ACAP2: variants seen among roughly 807,000 people sequenced by gnomAD.
ACAP2 encodes ArfGAP with coiled-coil, ankyrin repeat and PH domains 2.
Under a neutral mutation model 115.8 loss-of-function variants are expected in ACAP2, and 39 were observed. The observed-to-expected ratio is 0.34, with a 90% confidence interval of 0.26 to 0.44. The LOEUF is 0.44. Among genes scored for constraint, ACAP2 ranks in the 20% least tolerant of loss-of-function variants. ACAP2 has a pLI of 1.00. For synonymous variants in ACAP2, 289 were observed against 315.8 expected, an observed-to-expected ratio of 0.92 and a Z score of 0.90; for missense variants, 662 against 927.6, an observed-to-expected ratio of 0.71 and a Z score of 3.72.
intron 1 of ACAP2, among the ~76,000 whole-genome samples, chr3:195,400,217 T>C (rs1712165836): frequency 6.6e-6 from 1 of 151,582 alleles, no homozygotes; most frequent in African/African-American, 2.4e-5. Context: ...TGTGTATATA[T>C]ATATGTGTGT....
intron 2 of ACAP2, among the ~76,000 whole-genome samples, chr3:195,383,857 T>A (rs951934218): frequency 6.6e-6 from 1 of 152,092 alleles, no homozygotes; most frequent in Non-Finnish European, 1.5e-5. Context: ...AAAAAAGAGA[T>A]ACATGTGTCT....
chr3:195,281,177 G>A (rs536376771), intron 22 of ACAP2, among the ~76,000 whole-genome samples: 30 of 152,270 alleles, frequency 2.0e-4, no homozygotes, highest in East Asian at 9.7e-4. Context: ...AGGCCGAGAC[G>A]GGCGGATCAC....
chr3:195,313,841 A>C (rs544838474), intron 10 of ACAP2, among the ~76,000 whole-genome samples: 3 of 152,316 alleles, frequency 2.0e-5, no homozygotes, highest in African/African-American at 7.2e-5. Context: ...AGCAAAAGAG[A>C]ATATAAGTTC....
rs767973183 is a variant in ACAP2 at position 195,314,199 on chromosome 3, G to GT, written c.858-5363dup. On this transcript the variant is annotated intron_variant, in intron 10 of 22. Coordinates refer to ENST00000326793, the MANE Select transcript of ACAP2 (RefSeq NM_012287.6). ...TTTCCCTGAGGAAGAAAATTTTGTT[G>GT]TTTTTTTTTTTTTTAATTTTTGTGG... 5.8e-3 allele frequency among the ~76,000 whole-genome samples: 723 copies of GT among 125,132 alleles called. 2 individuals are homozygous for GT. Among genetic ancestry groups the GT allele is most frequent in the South Asian group, 8.7e-3 (28 of 3,218 alleles). 82.1% of individuals were successfully genotyped at this position (125,132 alleles called of 152,430 possible).
intron 16 of ACAP2, 116 bp from the exon 17 acceptor site, chr3:195,296,008 T>G: frequency 1.3e-6 from 1 of 752,620 alleles, no homozygotes; most frequent in Non-Finnish European, 2.1e-6. Flanking sequence ...TAATACTGGT[T>G]AAAACTGAAT....
chr3:195,390,185 A>C (rs1445838054), intron 2 of ACAP2, among the ~76,000 whole-genome samples: 6 of 152,068 alleles, frequency 3.9e-5, no homozygotes, highest in Non-Finnish European at 8.8e-5. Flanking sequence ...TGCCTGAGCA[A>C]GACTCTGTCT....
In ACAP2 at chr3:195,337,088, A is replaced by G. The variant is rs192785184; in HGVS notation, c.529-112T>C. On this transcript the variant is annotated intron_variant, in intron 6 of 22. Coordinates refer to ENST00000326793, the MANE Select transcript of ACAP2 (RefSeq NM_012287.6). ...TTAATACTTTTCGAAAAAGCAAATA[A>G]AAACAAAGCTCAAGCTTTTTCATCC... The G allele has an allele frequency of 3.6e-3, 3,393 of 933,216 alleles. 8 individuals are homozygous for G. Among genetic ancestry groups the G allele is most frequent in the Non-Finnish European group, 4.6e-3 (2,908 of 631,504 alleles). 57.8% of individuals were successfully genotyped at this position (933,216 alleles called of 1,614,324 possible).
intron 1 of ACAP2, among the ~76,000 whole-genome samples, chr3:195,432,548 A>G (rs1246270319): frequency 6.6e-6 from 1 of 152,188 alleles, no homozygotes; most frequent in Non-Finnish European, 1.5e-5. Context: ...ACTGATCTAT[A>G]TGTCTATCCT....
intron 21 of ACAP2, among the ~76,000 whole-genome samples, chr3:195,288,117 A>G (rs1726968597): frequency 6.6e-6 from 1 of 151,988 alleles, no homozygotes; most frequent in Non-Finnish European, 1.5e-5. Context: ...AAAAAAAGAA[A>G]CCATTTTGAA....
At chr3:195,336,466 A>C (rs1730514240) in intron 7 of ACAP2, 1 of 152,604 alleles carries the variant, frequency 6.6e-6, no homozygotes, top group African/African-American at 2.4e-5. Context: ...TATAGAGAAA[A>C]ATGTAAATAT....
intron 1 of ACAP2, among the ~76,000 whole-genome samples, chr3:195,402,807 T>TA (rs149386623): frequency 6.6e-6 from 1 of 152,198 alleles, no homozygotes; most frequent in Non-Finnish European, 1.5e-5. Context: ...ATTTGTTTTT[T>TA]AAAAAACACC....
intron 1 of ACAP2, 72 bp downstream of exon 1, chr3:195,442,723 C>T (rs1156784124): frequency 4.7e-6 from 7 of 1,473,816 alleles, no homozygotes; most frequent in Non-Finnish European, 6.4e-6. Context: ...TCCGGGTGCG[C>T]GGGCCCGGCT....
intron 10 of ACAP2, among the ~76,000 whole-genome samples, chr3:195,316,441 A>T (rs1373788980): frequency 1.3e-5 from 2 of 152,154 alleles, no homozygotes; most frequent in African/African-American, 4.8e-5. Flanking sequence ...TGTGTCGCCC[A>T]GACTGGAAGT....
chr3:195,313,588 C>T (rs923922930), intron 10 of ACAP2, among the ~76,000 whole-genome samples: 1 of 152,126 alleles, frequency 6.6e-6, no homozygotes, highest in Admixed American at 6.5e-5. Flanking sequence ...CATGTATATA[C>T]TTCTTATAAT....
intron 1 of ACAP2, among the ~76,000 whole-genome samples, chr3:195,398,975 A>G (rs1026060965): frequency 6.6e-6 from 1 of 152,166 alleles, no homozygotes; most frequent in Non-Finnish European, 1.5e-5. Context: ...CTTGACTATC[A>G]CTTCAAGACC....
intron 2 of ACAP2, among the ~76,000 whole-genome samples, chr3:195,389,443 T>C (rs940660262): frequency 6.6e-6 from 1 of 152,236 alleles, no homozygotes; most frequent in African/African-American, 2.4e-5. Flanking sequence ...CTTATTACCT[T>C]ACTCTTATTT....
At chr3:195,420,833 A>C (rs1310118665) in intron 1 of ACAP2, among the ~76,000 whole-genome samples, 1 of 151,954 alleles carries the variant, frequency 6.6e-6, no homozygotes, top group Non-Finnish European at 1.5e-5. Context: ...TAGTAGAGAC[A>C]GGGTTTCACC....
intron 2 of ACAP2, among the ~76,000 whole-genome samples, chr3:195,383,364 A>G (rs1458893803): frequency 6.6e-6 from 1 of 152,126 alleles, no homozygotes; most frequent in Non-Finnish European, 1.5e-5. Flanking sequence ...TACACAGTCA[A>G]AAAAACAGAT....
intron 4 of ACAP2, among the ~76,000 whole-genome samples, chr3:195,359,930 C>G (rs1466619769): frequency 6.6e-6 from 1 of 151,956 alleles, no homozygotes; most frequent in Non-Finnish European, 1.5e-5. Context: ...AAACATAACA[C>G]CAGAGAAAAT....
Sources: allele counts gnomAD v4.1 joint callset (sites outside exome capture counted in the v4.1 genomes callset), GRCh38; gene constraint gnomAD v4.1.1; transcripts MANE v1.5; gene names NCBI Gene and HGNC (gene_info 2026-07-23, HGNC 2026-07-21).